Variants in ZNF425 observed in about 807,000 individuals in gnomAD.
ZNF425 encodes the protein zinc finger protein 425.
In ZNF425, 21 loss-of-function variants were observed where a neutral mutation model predicts 17.0. That is an observed-to-expected ratio of 1.23 (90% CI 0.88 to 1.78). The LOEUF (loss-of-function observed/expected upper bound fraction) is 1.78, where lower values mean the gene tolerates loss of function less well. ZNF425 is among the 40% of genes most tolerant of loss of function. ZNF425 has a pLI of 0.00. For missense variants in ZNF425, 868 were observed against 967.3 expected, an observed-to-expected ratio of 0.90 and a Z score of 1.36; for synonymous variants, 433 against 384.1, an observed-to-expected ratio of 1.13 and a Z score of -1.49.
chr7:149,120,685 A>T (rs1201565573), intron 1 of ZNF425, among the ~76,000 whole-genome samples: 1 of 152,214 alleles, frequency 6.6e-6, no homozygotes, highest in East Asian at 1.9e-4. Flanking sequence ...CCTAGGAGAA[A>T]TAAGCTATAC....
rs398006742 is a variant in ZNF425 at position 149,114,225 on chromosome 7, A to ATT, written c.146-1932_146-1931dup. 7.5e-3 allele frequency among the ~76,000 whole-genome samples: 615 copies of ATT among 82,522 alleles called. 6 individuals carry two copies. Among genetic ancestry groups the ATT allele is most frequent in the African/African-American group, 0.013 (381 of 29,494 alleles). The allele number at this position is 82,522 out of a possible 152,430, so 54.1% of individuals were successfully genotyped here. A position where few individuals can be genotyped will look rare whatever the true frequency, so the allele number is the denominator to read the frequency against. On this transcript the variant is annotated intron_variant, in intron 2 of 3. Coordinates refer to ENST00000378061, the MANE Select transcript of ZNF425 (RefSeq NM_001001661.3). ...AGGGGTGCAACACCACGCCCAGCTA[A>ATT]TTTTTTTTTTTTTTTTTTTGGTATT...
At chr7:149,122,017 G>A (rs1563149168) in intron 1 of ZNF425, among the ~76,000 whole-genome samples, 1 of 151,368 alleles carries the variant, frequency 6.6e-6, no homozygotes, top group Non-Finnish European at 1.5e-5. Flanking sequence ...CCAGGTTCAC[G>A]CCATTCTTCT....
intron 3 of ZNF425, among the ~76,000 whole-genome samples, chr7:149,106,020 A>G (rs1030518341): frequency 4.1e-5 from 6 of 144,968 alleles, no homozygotes; most frequent in Non-Finnish European, 6.0e-5. Context: ...CAGTGGCACA[A>G]TCCTGGCTCA....
rs773391643 is a variant in ZNF425, at chr7:149,105,405, TA to T, written c.465del (p.Asn155LysfsTer27). 1 of 1,579,560 alleles carries T rather than the reference TA, an allele frequency of 6.3e-7. No homozygotes were observed. The highest frequency in any genetic ancestry group is 1.2e-5 in the South Asian group (1 of 85,086). On this transcript the variant is annotated frameshift_variant, in exon 4 of 4. Transcript: ENST00000378061. LOFTEE classifies it low-confidence loss of function (END_TRUNC). Reference protein sequence around the residue: ...SPSLRETEILNKKVSITAYDP... With the variant: ...SPSLRETEILXKKVSITAYDP... The stretch of plus-strand genomic sequence containing the variant: ...TCATATGCTGTGATGCTGACTTTTT[TA>T]TTTAGAATCTCTGTTTCTCGGAGAC...
chr7:149,104,644 C>T lies in ZNF425; in HGVS notation c.1227G>A (p.Thr409=), dbSNP rs143197341. The change falls in exon 4 of 4, where the codon ACG becomes ACA. Residue 409 remains threonine (T), a synonymous_variant. Coordinates refer to ENST00000378061, the MANE Select transcript of ZNF425 (RefSeq NM_001001661.3). The surrounding 1 kb of genome is among the most constrained non-coding windows in gnomAD (Gnocchi z 4.3). ...CGGGACACGAAAAGGGCTTCTCTCC[C>T]GTGTGAACTCTGATGTGCTCGTCCA... ...IKLDEHIRVH[T]GEKPFSCPEC... 6.8e-5 allele frequency: 110 copies of T among 1,614,106 alleles called. No homozygotes were observed. In the African/African-American group the frequency reaches 1.3e-3, roughly 18 times the overall value.
Position 149,103,591 on chromosome 7 carries a change from G to A in ZNF425, c.*21C>T, listed in dbSNP as rs910338769. The A allele has an allele frequency of 6.4e-6, 10 of 1,559,044 alleles. No homozygotes were observed. Among genetic ancestry groups the A allele is most frequent in the Middle Eastern group, 1.7e-4 (1 of 5,782 alleles). ...CTGGCACCTCCTGAAAGCCGACTGC[G>A]TGACTGCTGCATGGCCTGACCTAGA... is the stretch of plus-strand genomic sequence containing the variant. On this transcript the variant is annotated 3_prime_UTR_variant, in exon 4 of 4. Transcript: ENST00000378061.
chr7:149,123,743 G>C (rs866276172), intron 1 of ZNF425, among the ~76,000 whole-genome samples: 2 of 151,796 alleles, frequency 1.3e-5, no homozygotes, highest in African/African-American at 4.8e-5. Flanking sequence ...TGTTGGCCAG[G>C]CTGGTCTGGA....
At chr7:149,119,550 T>C (rs1826318523) in intron 1 of ZNF425, among the ~76,000 whole-genome samples, 1 of 152,156 alleles carries the variant, frequency 6.6e-6, no homozygotes, top group Non-Finnish European at 1.5e-5. Flanking sequence ...TAACCACCAC[T>C]GCAATCAAAA....
At position 149,120,947 on chromosome 7, in the gene ZNF425, G is replaced by C. The variant is rs553134336; in HGVS notation, c.19-2599C>G. Among the ~76,000 whole-genome samples, 9 of 152,150 alleles carry C rather than the reference G, an allele frequency of 5.9e-5. No individual in the cohort carries two copies. The East Asian group carries it at 1.7e-3, about 29-fold the overall frequency. ...TATGGACAATCATGTACAGGATTTG[G>C]GGTGGGCATGTTTTTATTTTTCTGG... is the stretch of plus-strand genomic sequence containing the variant. On this transcript the variant is annotated intron_variant, in intron 1 of 3. Transcript: ENST00000378061.
At chr7:149,119,786 A>G (rs1826323569) in intron 1 of ZNF425, among the ~76,000 whole-genome samples, 1 of 152,186 alleles carries the variant, frequency 6.6e-6, no homozygotes, top group African/African-American at 2.4e-5. Context: ...TAAATAATGT[A>G]TTTTAAAATG....
In ZNF425 at chr7:149,103,950, C is replaced by A. The variant is rs756436941; in HGVS notation, c.1921G>T (p.Val641Leu). 6 of 1,614,106 alleles carry A rather than the reference C, an allele frequency of 3.7e-6. No individual in the cohort carries two copies. Among genetic ancestry groups the A allele is most frequent in the Non-Finnish European group, 5.1e-6 (6 of 1,180,038 alleles). ...QHSGQKPFSC[V>L]MCGKSFTQQY... The stretch of plus-strand genomic sequence containing the variant: ...TGAGTGAAACTTTTGCCGCACATCA[C>A]ACAAGAGAATGGCTTTTGGCCACTG... Residue 641 changes from valine to leucine, a missense_variant, in exon 4 of 4, where the codon GTG becomes TTG. This residue lies in a region of ZNF425 where 437 missense variants were observed against 444.2 expected (regional missense o/e 0.98). Coordinates refer to ENST00000378061, the MANE Select transcript of ZNF425 (RefSeq NM_001001661.3).
At chr7:149,112,840 A>G (rs1427778554) in intron 2 of ZNF425, among the ~76,000 whole-genome samples, 1 of 149,100 alleles carries the variant, frequency 6.7e-6, no homozygotes, top group Non-Finnish European at 1.5e-5. Flanking sequence ...CTAATTTTGT[A>G]TTTTTATAGA....
At chr7:149,116,980 A>T (rs1826275074) in intron 2 of ZNF425, among the ~76,000 whole-genome samples, 1 of 152,080 alleles carries the variant, frequency 6.6e-6, no homozygotes, top group Non-Finnish European at 1.5e-5. Context: ...GGTTTTAATG[A>T]GGCCAGGCGT....
intron 1 of ZNF425, among the ~76,000 whole-genome samples, chr7:149,125,387 G>C (rs1016225911): frequency 2.0e-5 from 3 of 152,078 alleles, no homozygotes; most frequent in Non-Finnish European, 4.4e-5. Context: ...CAGCATTTAC[G>C]GTAAATTCGA....
intron 3 of ZNF425, among the ~76,000 whole-genome samples, chr7:149,111,859 T>C (rs547228804): frequency 6.6e-6 from 1 of 151,936 alleles, no homozygotes; most frequent in Admixed American, 6.6e-5. Flanking sequence ...TTTTTGTATT[T>C]TTAGTAGAGA....
rs868118662 is a variant in ZNF425, at chr7:149,105,441, G to A, written c.430C>T (p.Gln144Ter). The A allele has an allele frequency of 6.5e-7, 1 of 1,546,994 alleles. No homozygotes were observed. Among genetic ancestry groups the A allele is most frequent in the Non-Finnish European group, 8.7e-7 (1 of 1,152,260 alleles). ...TCTGTTTCTCGGAGACTTGGAGACTGGAAGGTGGCTGTTTGAGCTAATAAA... is the reference window on the plus strand; with the variant it reads ...TCTGTTTCTCGGAGACTTGGAGACTAGAAGGTGGCTGTTTGAGCTAATAAA... ...KILLAQTATF[Q>*]SPSLRETEIL... The change falls in exon 4 of 4, where the codon CAG (glutamine) becomes TAG (stop). Residue 144 changes from glutamine to a stop codon, truncating the protein, a stop_gained. Transcript: ENST00000378061. LOFTEE classifies it low-confidence loss of function (END_TRUNC).
intron 3 of ZNF425, among the ~76,000 whole-genome samples, chr7:149,108,801 G>A (rs1347565279): frequency 1.3e-5 from 2 of 151,984 alleles, no homozygotes; most frequent in African/African-American, 2.4e-5. Flanking sequence ...CTGAGGCAGG[G>A]GAATCGTTTG....
intron 2 of ZNF425, among the ~76,000 whole-genome samples, chr7:149,117,753 A>G (rs1481915763): frequency 7.1e-6 from 1 of 141,430 alleles, no homozygotes; most frequent in African/African-American, 2.7e-5. Flanking sequence ...CCCAGGTTCA[A>G]GCGATTCTCC....
Position 149,105,576 on chromosome 7 carries a change from A to C in ZNF425, c.305-10T>G. On this transcript the variant is annotated splice_polypyrimidine_tract_variant and intron_variant, in intron 3 of 3. Transcript: ENST00000378061. ...GGAGTTCCTTCGTCATCTGGAGCAG[A>C]AAGAAGTATCACTCTCATCAGTGAT... 6.6e-7 allele frequency: 1 copy of C among 1,503,998 alleles called. No individual in the cohort carries two copies. The highest frequency in any genetic ancestry group is 8.8e-7 in the Non-Finnish European group (1 of 1,131,628). 93.2% of individuals were successfully genotyped at this position (1,503,998 alleles called of 1,614,324 possible).
Sources: gnomAD v4.1 joint callset for allele counts (sites outside exome capture counted in the v4.1 genomes callset) on GRCh38, gnomAD v4.1.1 for gene constraint, gnomAD v4.1.1 regional missense constraint, Gnocchi (gnomAD v3.1) non-coding constraint, MANE v1.5 for transcripts, NCBI Gene and HGNC (gene_info 2026-07-23, HGNC 2026-07-21) for gene names.